The following RAD51 variants were observed in gnomAD, a reference collection of about 807,000 sequenced individuals.
RAD51 encodes DNA repair protein RAD51 homolog 1.
RAD51 carries 14 observed loss-of-function variants against 41.5 expected under a neutral mutation model. The ratio of observed to expected loss-of-function variants is 0.34; its 90% CI spans 0.22 to 0.53. The LOEUF (loss-of-function observed/expected upper bound fraction) is 0.53. Among genes scored for constraint, RAD51 ranks in the 20% least tolerant of loss-of-function variants. The pLI is 0.95. For missense variants in RAD51, 234 were observed against 422.0 expected (o/e 0.55, Z 3.90); for synonymous variants, 136 against 148.6 (o/e 0.92, Z 0.62).
At chr15:40,700,936 C>G (rs997968748) in intron 2 of RAD51, 128 bp from the exon 3 acceptor site, 4 of 867,598 alleles carry the variant, frequency 4.6e-6, no homozygotes, top group Middle Eastern at 3.4e-4. Context: ...CCCGCCCCCC[C>G]AAGGATTTCA....
chr15:40,727,839 T>A (rs890129360), intron 6 of RAD51, among the ~76,000 whole-genome samples: 1 of 150,992 alleles, frequency 6.6e-6, no homozygotes, highest in Admixed American at 6.7e-5. Context: ...CATAGCACAC[T>A]GGGTTTTATG....
chr15:40,722,138 G>A (rs544029880), intron 6 of RAD51, among the ~76,000 whole-genome samples: 40 of 152,262 alleles, frequency 2.6e-4, no homozygotes, highest in African/African-American at 4.1e-4. Flanking sequence ...GAGGCCAGGC[G>A]TGGTGGCTTA....
At chr15:40,715,534 G>A (rs1238235781) in intron 5 of RAD51, among the ~76,000 whole-genome samples, 1 of 152,204 alleles carries the variant, frequency 6.6e-6, no homozygotes, top group Non-Finnish European at 1.5e-5. Flanking sequence ...AATGAGAAGT[G>A]TTAAATTATG....
chr15:40,714,308 A>C (rs559824276), intron 5 of RAD51, among the ~76,000 whole-genome samples: 1 of 152,198 alleles, frequency 6.6e-6, no homozygotes, highest in African/African-American at 2.4e-5. Flanking sequence ...GCTGTTTAAA[A>C]TGTCACTCTT....
intron 3 of RAD51, among the ~76,000 whole-genome samples, chr15:40,702,150 A>G (rs1473804990): frequency 6.6e-6 from 1 of 152,156 alleles, no homozygotes; most frequent in Non-Finnish European, 1.5e-5. Context: ...AATTTATTGG[A>G]TTACTCAAAT....
At chr15:40,710,501 C>CAAAAAAA (rs747933816) in intron 5 of RAD51, among the ~76,000 whole-genome samples, 10 of 48,734 alleles carry the variant, frequency 2.1e-4, no homozygotes, top group South Asian at 9.3e-4. Context: ...GACTCTGTCT[C>CAAAAAAA]AAAAAAAAAA....
intron 7 of RAD51, 95 bp from the exon 8 acceptor site, chr15:40,729,410 A>G (rs1896757422): frequency 7.1e-7 from 1 of 1,406,072 alleles, no homozygotes; most frequent in East Asian, 2.3e-5. Context: ...TGTATACAGG[A>G]AAAACTATGA....
intron 1 of RAD51, among the ~76,000 whole-genome samples, chr15:40,698,183 CTT>C (rs34665687): frequency 2.8e-5 from 4 of 144,090 alleles, no homozygotes; most frequent in South Asian, 2.2e-4. Flanking sequence ...ATGAGATGAA[CTT>C]TTTTTTTTTT....
In RAD51 at chr15:40,730,428, T is replaced by C. The variant is rs749879564; in HGVS notation, c.896+454T>C. Among the ~76,000 whole-genome samples the C allele has an allele frequency of 2.0e-4, 30 of 151,406 alleles. 1 individual carries two copies. Among genetic ancestry groups the C allele is most frequent in the South Asian group, 6.3e-4 (3 of 4,760 alleles). On this transcript the variant is annotated intron_variant, in intron 9 of 9. Transcript: ENST00000267868. ...CTGAGGCAGGAGGATCAGTTGAGCATAGGAATTCGAGGCTGTATTGAGCTA... is the reference window on the plus strand; with the variant it reads ...CTGAGGCAGGAGGATCAGTTGAGCACAGGAATTCGAGGCTGTATTGAGCTA...
chr15:40,718,698 G>GT (rs1896112882), intron 5 of RAD51, 107 bp from the exon 6 acceptor site: 8 of 976,180 alleles, frequency 8.2e-6, no homozygotes, highest in East Asian at 2.4e-5. Context: ...ATTTTTAAAT[G>GT]TTTTTTTCCC....
chr15:40,704,155 C>A (rs1895177033), intron 3 of RAD51, among the ~76,000 whole-genome samples: 2 of 152,070 alleles, frequency 1.3e-5, no homozygotes, highest in East Asian at 3.9e-4. Context: ...CTCACTGCAA[C>A]CTCTGCCTCT....
At chr15:40,706,754 A>G (rs985914528) in intron 4 of RAD51, among the ~76,000 whole-genome samples, 3 of 152,224 alleles carry the variant, frequency 2.0e-5, no homozygotes, top group Admixed American at 6.6e-5. Context: ...AGACTGCTGC[A>G]AGGTAGGACC....
chr15:40,704,569 G>A (rs572260958), intron 3 of RAD51, among the ~76,000 whole-genome samples: 1 of 147,190 alleles, frequency 6.8e-6, no homozygotes. Flanking sequence ...ACCATATTGG[G>A]CAGGCTGGTC....
intron 6 of RAD51, among the ~76,000 whole-genome samples, chr15:40,727,077 T>C (rs942839590): frequency 1.3e-5 from 2 of 152,138 alleles, no homozygotes; most frequent in Non-Finnish European, 2.9e-5. Flanking sequence ...AAACCTTCTC[T>C]GTTTTTATAG....
intron 5 of RAD51, among the ~76,000 whole-genome samples, chr15:40,709,454 G>A (rs762539473): frequency 1.2e-4 from 16 of 138,994 alleles, no homozygotes; most frequent in Non-Finnish European, 2.2e-4. Context: ...TCAGCTCACT[G>A]CAACCTCCTC....
intron 8 of RAD51, 60 bp from the exon 9 acceptor site, chr15:40,729,793 G>C: frequency 6.2e-7 from 1 of 1,613,380 alleles, no homozygotes; most frequent in Admixed American, 1.7e-5. Context: ...AGTGGTGGCA[G>C]CATTAAGGCT....
intron 5 of RAD51, among the ~76,000 whole-genome samples, chr15:40,710,456 C>T (rs1177409065): frequency 2.2e-5 from 3 of 136,226 alleles, no homozygotes; most frequent in East Asian, 2.3e-4. Flanking sequence ...GAGCTGAGAT[C>T]GCACCATTGC....
At chr15:40,715,763 A>T (rs1455995877) in intron 5 of RAD51, among the ~76,000 whole-genome samples, 1 of 152,174 alleles carries the variant, frequency 6.6e-6, no homozygotes, top group East Asian at 1.9e-4. Context: ...TCCTTTGCCA[A>T]GGAAGTCTAT....
chr15:40,701,974 G>A, intron 3 of RAD51: 2 of 279,268 alleles, frequency 7.2e-6, no homozygotes, highest in South Asian at 5.9e-5. Context: ...ATTAGAGACA[G>A]GGTTTCACCA....
Sources: allele counts gnomAD v4.1 joint callset (sites outside exome capture counted in the v4.1 genomes callset), GRCh38; gene constraint gnomAD v4.1.1; transcripts MANE v1.5; gene names NCBI Gene and HGNC (gene_info 2026-07-23, HGNC 2026-07-21).